Variants in SBF2 observed in about 807,000 individuals in gnomAD.
The protein encoded by SBF2 is SET binding factor 2.
A neutral mutation model predicts 225.2 loss-of-function variants in SBF2; 112 were observed. That is an observed-to-expected ratio of 0.50 (90% CI 0.43 to 0.58). SBF2 has a LOEUF of 0.58. Ranked by LOEUF, SBF2 falls within the 20% of genes least tolerant of loss-of-function variation. The pLI, the probability that SBF2 is intolerant of heterozygous loss-of-function variation, is 0.00. For synonymous variants in SBF2, 763 were observed against 773.3 expected (o/e 0.99, Z 0.22); for missense variants, 1,996 against 2,206.2 (o/e 0.90, Z 1.91).
chr11:9,872,526 T>C (rs1368901137), intron 17 of SBF2, among the ~76,000 whole-genome samples: 3 of 152,192 alleles, frequency 2.0e-5, no homozygotes, highest in Admixed American at 6.5e-5. Context: ...CCAGAGATGA[T>C]ATATTGATAG....
intron 2 of SBF2, among the ~76,000 whole-genome samples, chr11:10,181,120 A>C (rs1191129947): frequency 2.6e-5 from 4 of 152,088 alleles, no homozygotes; most frequent in Non-Finnish European, 4.4e-5. Context: ...TCCTAATTGG[A>C]ATCTAGGGCT....
chr11:9,848,078 G>C (rs1354579410), intron 22 of SBF2, among the ~76,000 whole-genome samples: 1 of 146,506 alleles, frequency 6.8e-6, no homozygotes. Context: ...CTCCCAGCTA[G>C]TAAGCCAGGG....
chr11:10,226,262 T>C (rs967586067), intron 1 of SBF2, among the ~76,000 whole-genome samples: 1 of 152,150 alleles, frequency 6.6e-6, no homozygotes, highest in South Asian at 2.1e-4. Context: ...AAAACAGCAT[T>C]ATACTATGAA....
intron 2 of SBF2, among the ~76,000 whole-genome samples, chr11:10,068,283 C>A (rs1950711376): frequency 6.6e-6 from 1 of 152,140 alleles, no homozygotes; most frequent in South Asian, 2.1e-4. Flanking sequence ...TACAACTCAC[C>A]CTTTCCTGAA....
chr11:9,874,186 T>TA (rs1269712825), intron 17 of SBF2, among the ~76,000 whole-genome samples: 1 of 152,124 alleles, frequency 6.6e-6, no homozygotes, highest in Non-Finnish European at 1.5e-5. Context: ...GAAAAAAACA[T>TA]AATTAGGAAG....
At chr11:10,133,415 A>G (rs1954177535) in intron 2 of SBF2, among the ~76,000 whole-genome samples, 1 of 148,976 alleles carries the variant, frequency 6.7e-6, no homozygotes, top group African/African-American at 2.5e-5. Flanking sequence ...TGGGAGGCTT[A>G]GGCATGGCGG....
intron 9 of SBF2, among the ~76,000 whole-genome samples, chr11:9,997,111 ATT>A (rs1192953253): frequency 1.3e-5 from 2 of 152,202 alleles, no homozygotes; most frequent in Non-Finnish European, 2.9e-5. Context: ...ACTAACACAA[ATT>A]TGAAAGTTTT....
chr11:9,919,428 T>C (rs1863411280), intron 16 of SBF2, among the ~76,000 whole-genome samples: 1 of 152,128 alleles, frequency 6.6e-6, no homozygotes, highest in Non-Finnish European at 1.5e-5. Context: ...GCAAGACTCC[T>C]GTCTCAAAAG....
chr11:9,785,283 C>A lies in SBF2; in HGVS notation c.5073G>T (p.Val1691=), dbSNP rs373722394. ...TCTGATAGGAAGGTAGGTTGGTAGA[C>A]ACAATTCCTGGGGATCTCGACAGGT... ...QRHLSRSPGI[V]STNLPSYQKR... Residue 1691 remains valine (V), a synonymous_variant, in exon 37 of 40, where the codon GTG becomes GTT. Transcript: ENST00000256190. 2.7e-5 allele frequency: 43 copies of A among 1,614,082 alleles called. No individual in the cohort carries two copies. Among genetic ancestry groups the A allele is most frequent in the Middle Eastern group, 1.6e-4 (1 of 6,084 alleles).
At chr11:10,229,416 T>C (rs1336466738) in intron 1 of SBF2, among the ~76,000 whole-genome samples, 2 of 152,224 alleles carry the variant, frequency 1.3e-5, no homozygotes, top group Non-Finnish European at 2.9e-5. Context: ...AGGGTGTCAA[T>C]TTTAGATCTT....
intron 17 of SBF2, among the ~76,000 whole-genome samples, chr11:9,860,422 C>A (rs1857640022): frequency 6.6e-6 from 1 of 151,996 alleles, no homozygotes; most frequent in East Asian, 1.9e-4. Flanking sequence ...CAGGTGTGCT[C>A]CACCACACCC....
At position 10,132,820 on chromosome 11, in the gene SBF2, T is replaced by A. The variant is rs1466310844; in HGVS notation, c.141+61082A>T. 2.0e-5 allele frequency among the ~76,000 whole-genome samples: 3 copies of A among 148,912 alleles called. No individual in the cohort carries two copies. In the South Asian group the frequency reaches 6.3e-4, roughly 31 times the overall value. On this transcript the variant is annotated intron_variant, in intron 2 of 39. Coordinates refer to ENST00000256190, the MANE Select transcript of SBF2 (RefSeq NM_030962.4). Reference sequence around the variant, plus strand: ...GATTGGTAGGGCCGAGTGGCCTGTTTTGTCAGGGCGCTGATTGGTGCGTTT... The same window carrying A: ...GATTGGTAGGGCCGAGTGGCCTGTTATGTCAGGGCGCTGATTGGTGCGTTT...
At chr11:10,106,963 A>G (rs1463935264) in intron 2 of SBF2, among the ~76,000 whole-genome samples, 1 of 152,204 alleles carries the variant, frequency 6.6e-6, no homozygotes, top group Admixed American at 6.5e-5. Context: ...AAACCACGAG[A>G]TGCCACTACA....
chr11:10,187,469 C>A (rs577812189), intron 2 of SBF2, among the ~76,000 whole-genome samples: 1 of 152,292 alleles, frequency 6.6e-6, no homozygotes, highest in Non-Finnish European at 1.5e-5. Flanking sequence ...AGCAGGGGGA[C>A]CCCTGCCTTC....
chr11:10,203,135 G>T (rs1462366646), intron 1 of SBF2, among the ~76,000 whole-genome samples: 1 of 152,114 alleles, frequency 6.6e-6, no homozygotes, highest in Admixed American at 6.5e-5. Context: ...AGCAATTGAG[G>T]TGGGAATCTA....
chr11:9,808,721 C>T (rs1488033506), intron 31 of SBF2, 180 bp downstream of exon 31: 35 of 531,026 alleles, frequency 6.6e-5, no homozygotes, highest in South Asian at 4.2e-4. Flanking sequence ...CTCCAGGCTG[C>T]GTAGGGGCTA....
At chr11:10,173,200 C>A (rs973506809) in intron 2 of SBF2, among the ~76,000 whole-genome samples, 1 of 152,206 alleles carries the variant, frequency 6.6e-6, no homozygotes, top group East Asian at 1.9e-4. Flanking sequence ...CAGCTCCCAG[C>A]GTGAGCGACG....
chr11:10,293,995 G>A lies in SBF2; in HGVS notation c.55+20C>T. ...CGGGGGGCGGGGAGGCCCGGGGGCG[G>A]TGCCGCCCCACACCCTTACCTGGCT... On this transcript the variant is annotated intron_variant, in intron 1 of 39. Transcript: ENST00000256190. 2 of 1,356,390 alleles carry A rather than the reference G, an allele frequency of 1.5e-6. No homozygotes were observed. The highest frequency in any genetic ancestry group is 1.9e-5 in the South Asian group (1 of 54,012). 84.0% of individuals were successfully genotyped at this position (1,356,390 alleles called of 1,614,324 possible).
intron 16 of SBF2, among the ~76,000 whole-genome samples, chr11:9,943,779 G>T (rs1238511643): frequency 6.6e-6 from 1 of 152,196 alleles, no homozygotes; most frequent in Non-Finnish European, 1.5e-5. Context: ...ATATATTGCT[G>T]TCAGAGTATA....
Sources: allele counts gnomAD v4.1 joint callset (sites outside exome capture counted in the v4.1 genomes callset), GRCh38; gene constraint gnomAD v4.1.1; transcripts MANE v1.5; gene names NCBI Gene and HGNC (gene_info 2026-07-23, HGNC 2026-07-21).